SLC22A2: variants seen among roughly 807,000 people sequenced by gnomAD.
The protein encoded by SLC22A2 is solute carrier family 22 member 2, also known as organic cation transporter 2.
SLC22A2 carries 46 observed loss-of-function variants against 60.5 expected under a neutral mutation model. The ratio of observed to expected loss-of-function variants is 0.76; its 90% CI spans 0.60 to 0.97. SLC22A2 has a LOEUF of 0.97. Among genes scored for constraint, SLC22A2 ranks in the 50% least tolerant of loss-of-function variants. The pLI is 0.00. For missense variants in SLC22A2, 701 were observed against 706.6 expected (o/e 0.99, Z 0.09); for synonymous variants, 303 against 267.0 (o/e 1.13, Z -1.31).
At chr6:160,227,102 G>A (rs1782736824) in intron 9 of SLC22A2, among the ~76,000 whole-genome samples, 1 of 152,134 alleles carries the variant, frequency 6.6e-6, no homozygotes, top group African/African-American at 2.4e-5. Flanking sequence ...TTTGTGGAGA[G>A]AATTTGCATC....
At chr6:160,246,744 CT>C (rs770914346) in intron 5 of SLC22A2, among the ~76,000 whole-genome samples, 2 of 151,326 alleles carry the variant, frequency 1.3e-5, no homozygotes, top group Non-Finnish European at 2.9e-5. Flanking sequence ...AAGACTCCAT[CT>C]CAAAAAAAAA....
At chr6:160,232,832 C>A (rs1333044213) in intron 9 of SLC22A2, among the ~76,000 whole-genome samples, 1 of 151,906 alleles carries the variant, frequency 6.6e-6, no homozygotes, top group African/African-American at 2.4e-5. Flanking sequence ...CTGACCACTC[C>A]CACCTACTCC....
intron 9 of SLC22A2, among the ~76,000 whole-genome samples, chr6:160,229,144 C>CTCTGTGAGAAAGATCCACCTATGAT (rs1782777163): frequency 6.6e-6 from 1 of 151,534 alleles, no homozygotes; most frequent in African/African-American, 2.4e-5. Context: ...CCACCTATGA[C>CTCTGTGAGAAAGATCCACCTATGAT]CTCTGGTCCT....
At chr6:160,231,660 G>A (rs1782826025) in intron 9 of SLC22A2, among the ~76,000 whole-genome samples, 1 of 151,604 alleles carries the variant, frequency 6.6e-6, no homozygotes, top group South Asian at 2.1e-4. Flanking sequence ...AAATTGTTTT[G>A]CCTATCCACC....
At chr6:160,234,638 A>T (rs2114858049) in intron 9 of SLC22A2, among the ~76,000 whole-genome samples, 1 of 152,360 alleles carries the variant, frequency 6.6e-6, no homozygotes, top group East Asian at 1.9e-4. Flanking sequence ...TTGTAACCAC[A>T]TGGCAGTTCT....
chr6:160,233,718 C>T (rs1023864522), intron 9 of SLC22A2, among the ~76,000 whole-genome samples: 17 of 151,820 alleles, frequency 1.1e-4, no homozygotes, highest in African/African-American at 2.2e-4. Flanking sequence ...ATGACAAATG[C>T]GCCTTCTAAC....
chr6:160,255,048 C>T (rs1026399672), intron 2 of SLC22A2, among the ~76,000 whole-genome samples: 7 of 152,174 alleles, frequency 4.6e-5, no homozygotes, highest in African/African-American at 1.7e-4. Flanking sequence ...GCCAGAGCTG[C>T]CCAGGGGTGC....
chr6:160,243,835 AC>A lies in SLC22A2; in HGVS notation c.1065-50del, dbSNP rs1783050789. 4 of 1,338,778 alleles carry A rather than the reference AC, an allele frequency of 3.0e-6. 1 individual carries two copies. In the South Asian group the frequency reaches 4.8e-5, roughly 16 times the overall value. 82.9% of individuals were successfully genotyped at this position (1,338,778 alleles called of 1,614,324 possible). ...TCAAGTCAAGCACCAAACACAGGGC[AC>A]CAAAAAAGAGAGGCTTCTGGAAAAA... is the stretch of plus-strand genomic sequence containing the variant. On this transcript the variant is annotated intron_variant, in intron 6 of 10. Coordinates refer to ENST00000366953, the MANE Select transcript of SLC22A2 (RefSeq NM_003058.4).
chr6:160,225,140 T>C (rs1282177085), intron 9 of SLC22A2, among the ~76,000 whole-genome samples: 1 of 152,162 alleles, frequency 6.6e-6, no homozygotes, highest in African/African-American at 2.4e-5. Flanking sequence ...ACTGTAACCC[T>C]TCCAGTTTAA....
At chr6:160,250,508 G>C in intron 3 of SLC22A2, 40 bp downstream of exon 3, 1 of 1,610,526 alleles carries the variant, frequency 6.2e-7, no homozygotes, top group South Asian at 1.1e-5. Context: ...TGGCAGCGAG[G>C]TTGCTTTGTT....
chr6:160,235,698 A>C (rs1358960201), intron 9 of SLC22A2, among the ~76,000 whole-genome samples: 1 of 151,576 alleles, frequency 6.6e-6, no homozygotes, highest in Non-Finnish European at 1.5e-5. Flanking sequence ...TACAGCACTG[A>C]TCTGCTCTTT....
chr6:160,258,614 GTCAGGGGTGA>G lies in SLC22A2; in HGVS notation c.134_143del (p.Phe45SerfsTer12). On this transcript the variant is annotated frameshift_variant, in exon 1 of 11. Coordinates refer to ENST00000366953, the MANE Select transcript of SLC22A2 (RefSeq NM_003058.4). LOFTEE classifies it high-confidence loss of function. ...CCACTCCGGGGCTCCGGCAGCGGTG[GTCAGGGGTGA>G]AGCCCAGGAAGACGATGCCCACGTA... 6.2e-7 allele frequency: 1 copy of G among 1,614,026 alleles called. No homozygotes were observed. The highest frequency in any genetic ancestry group is 8.5e-7 in the Non-Finnish European group (1 of 1,179,960).
chr6:160,240,415 C>T (rs1782980498), intron 9 of SLC22A2, among the ~76,000 whole-genome samples: 1 of 152,146 alleles, frequency 6.6e-6, no homozygotes, highest in South Asian at 2.1e-4. Flanking sequence ...TTGCAATCAA[C>T]ATTATCAGTG....
intron 5 of SLC22A2, 74 bp from the exon 6 acceptor site, chr6:160,245,619 T>C: frequency 1.2e-6 from 1 of 836,222 alleles, no homozygotes. Context: ...GGAATAACAA[T>C]AATTTCTTAC....
chr6:160,250,823 T>C, intron 2 of SLC22A2, 121 bp from the exon 3 acceptor site: 1 of 992,446 alleles, frequency 1.0e-6, no homozygotes, highest in Non-Finnish European at 1.5e-6. Flanking sequence ...ATTTTATGAA[T>C]CCAGGAGGCA....
At chr6:160,247,041 T>C (rs1783105682) in intron 5 of SLC22A2, 143 bp downstream of exon 5, 2 of 580,836 alleles carry the variant, frequency 3.4e-6, no homozygotes, top group East Asian at 5.8e-5. Context: ...TAAAATTCTC[T>C]GTTGCATTCC....
intron 2 of SLC22A2, among the ~76,000 whole-genome samples, chr6:160,252,069 C>T (rs1783193890): frequency 6.6e-6 from 1 of 152,136 alleles, no homozygotes; most frequent in African/African-American, 2.4e-5. Context: ...CCTATCAACC[C>T]ATCACCTAGG....
intron 4 of SLC22A2, among the ~76,000 whole-genome samples, chr6:160,248,523 TG>T (rs1783133292): frequency 6.6e-6 from 1 of 152,168 alleles, no homozygotes; most frequent in East Asian, 1.9e-4. Context: ...GAAGAACAAG[TG>T]GGTAAATCCA....
chr6:160,247,146 C>T (rs1783107462), intron 5 of SLC22A2, 38 bp downstream of exon 5: 2 of 1,187,772 alleles, frequency 1.7e-6, no homozygotes, highest in South Asian at 1.2e-5. Flanking sequence ...CCTCCCTTTT[C>T]TCCATCCCCT....
Sources: allele counts gnomAD v4.1 joint callset (sites outside exome capture counted in the v4.1 genomes callset), GRCh38; gene constraint gnomAD v4.1.1; transcripts MANE v1.5; gene names NCBI Gene and HGNC (gene_info 2026-07-23, HGNC 2026-07-21).